Variants in TANC1 observed in about 807,000 individuals in gnomAD.
TANC1 encodes tetratricopeptide repeat, ankyrin repeat and coiled-coil containing 1.
TANC1 carries 77 observed loss-of-function variants against 149.7 expected under a neutral mutation model. The observed-to-expected ratio is 0.51, with a 90% CI of 0.43 to 0.62. The LOEUF (loss-of-function observed/expected upper bound fraction) is 0.62. Ranked by LOEUF, TANC1 falls within the 20% of genes least tolerant of loss-of-function variation. TANC1 has a pLI of 0.00. For synonymous variants in TANC1, 854 were observed against 925.0 expected (o/e 0.92, Z 1.39); for missense variants, 1,985 against 2,321.8 (o/e 0.85, Z 2.98).
chr2:159,004,122 C>T lies in TANC1; in HGVS notation c.-16+2933C>T, dbSNP rs1362727128. The T allele has an allele frequency of 6.2e-6, 10 of 1,612,112 alleles. No individual in the cohort carries two copies. In the East Asian group the frequency reaches 2.2e-4, roughly 36 times the overall value. ...AATTACTGGTCATGCAGAAGCCAAA[C>T]CAATCACAGAAATGCTTCCTGGAAT... On this transcript the variant is annotated intron_variant, in intron 2 of 26. Transcript: ENST00000263635.
intron 3 of TANC1, among the ~76,000 whole-genome samples, chr2:159,078,653 AT>A (rs1038777178): frequency 1.3e-5 from 2 of 152,112 alleles, no homozygotes; most frequent in East Asian, 1.9e-4. Flanking sequence ...ATTCTGGAGG[AT>A]TTTTTCCCCC....
At chr2:158,985,420 C>T (rs956459915) in intron 1 of TANC1, among the ~76,000 whole-genome samples, 1 of 152,118 alleles carries the variant, frequency 6.6e-6, no homozygotes, top group African/African-American at 2.4e-5. Context: ...TTTTAGGGGT[C>T]CATGAACTAG....
At chr2:159,014,090 A>C (rs748983075) in intron 2 of TANC1, among the ~76,000 whole-genome samples, 3 of 152,192 alleles carry the variant, frequency 2.0e-5, no homozygotes, top group Non-Finnish European at 2.9e-5. Context: ...CTATCTCTAA[A>C]TAAGGTCACA....
intron 1 of TANC1, among the ~76,000 whole-genome samples, chr2:158,981,493 ATATATATATATATATATATATATAT>A (rs1288907193): frequency 6.2e-5 from 3 of 48,560 alleles, no homozygotes; most frequent in East Asian, 4.0e-4. Flanking sequence ...TATAGCTTTT[ATATATATATATATATATATATATAT>A]ATATATATAT....
rs537379936 is a variant in TANC1, at chr2:159,159,851, C to T, written c.683-3432C>T. On this transcript the variant is annotated intron_variant, in intron 7 of 26. Transcript: ENST00000263635. ...CTCTCATGGGATGTGATCAGGTATA[C>T]GCCCTGTTATATTAAGAAAGTGAGC... 5.9e-5 allele frequency among the ~76,000 whole-genome samples: 9 copies of T among 151,912 alleles called. No homozygotes were observed. In the South Asian group the frequency reaches 1.0e-3, roughly 18 times the overall value.
intron 2 of TANC1, among the ~76,000 whole-genome samples, chr2:159,022,804 G>T (rs149742722): frequency 5.3e-5 from 8 of 152,102 alleles, no homozygotes; most frequent in African/African-American, 1.9e-4. Flanking sequence ...ACTGGGTAAG[G>T]TCATCAGCTT....
At chr2:159,174,596 A>G (rs1335737005) in intron 11 of TANC1, among the ~76,000 whole-genome samples, 1 of 152,216 alleles carries the variant, frequency 6.6e-6, no homozygotes, top group African/African-American at 2.4e-5. Flanking sequence ...AACCTAGTGA[A>G]GATGGCACTT....
chr2:159,217,366 C>G (rs1370233338), intron 19 of TANC1, 131 bp from the exon 20 acceptor site: 2 of 1,154,892 alleles, frequency 1.7e-6, no homozygotes, highest in Non-Finnish European at 2.5e-6. Flanking sequence ...TGTCACAGAG[C>G]CCCCGCAGGT....
chr2:159,216,087 C>T (rs2059328108), intron 19 of TANC1, among the ~76,000 whole-genome samples: 1 of 152,182 alleles, frequency 6.6e-6, no homozygotes, highest in Admixed American at 6.5e-5. Context: ...TCCAGAGCAG[C>T]CACCATGCAC....
chr2:159,010,112 T>C (rs1050323453), intron 2 of TANC1, among the ~76,000 whole-genome samples: 3 of 152,224 alleles, frequency 2.0e-5, no homozygotes, highest in Non-Finnish European at 4.4e-5. Context: ...TGCGTGCCTT[T>C]CATTCCTCAG....
At chr2:159,070,979 C>G (rs936748022) in intron 3 of TANC1, among the ~76,000 whole-genome samples, 5 of 152,088 alleles carry the variant, frequency 3.3e-5, no homozygotes, top group Admixed American at 6.5e-5. Flanking sequence ...AATTAAAGCT[C>G]ACAGTTGGTA....
intron 2 of TANC1, among the ~76,000 whole-genome samples, chr2:159,007,380 A>G (rs989721834): frequency 3.9e-5 from 6 of 152,174 alleles, no homozygotes; most frequent in South Asian, 2.1e-4. Flanking sequence ...TCCTGACCTC[A>G]GGTGATCCGC....
Position 159,189,558 on chromosome 2 carries a change from C to CT in TANC1, c.2742+2544dup, listed in dbSNP as rs1013697003. Among the ~76,000 whole-genome samples the CT allele has an allele frequency of 6.4e-4, 96 of 149,842 alleles. 1 individual carries two copies. The highest frequency in any genetic ancestry group is 3.3e-4 in the Admixed American group (5 of 15,048). The stretch of plus-strand genomic sequence containing the variant: ...CTTAATGCACATATATATACATACA[C>CT]TTTTTTTTTTACACATTGATTTTTA... On this transcript the variant is annotated intron_variant, in intron 16 of 26. Coordinates refer to ENST00000263635, the MANE Select transcript of TANC1 (RefSeq NM_033394.3).
intron 4 of TANC1, among the ~76,000 whole-genome samples, chr2:159,135,013 A>G (rs1383542220): frequency 1.3e-5 from 2 of 152,196 alleles, no homozygotes; most frequent in Non-Finnish European, 1.5e-5. Context: ...AAATATATTC[A>G]TAGAGTTGTA....
chr2:159,019,307 A>G (rs1467740299), intron 2 of TANC1, among the ~76,000 whole-genome samples: 3 of 152,226 alleles, frequency 2.0e-5, no homozygotes, highest in South Asian at 4.1e-4. Flanking sequence ...GTTAGGAGTG[A>G]TGGGAATAGA....
At chr2:159,049,847 A>G (rs143788191) in intron 2 of TANC1, among the ~76,000 whole-genome samples, 7 of 152,278 alleles carry the variant, frequency 4.6e-5, no homozygotes, top group African/African-American at 7.2e-5. Flanking sequence ...AGTTTTGGAC[A>G]TGTTGAGGTA....
chr2:159,027,091 A>G (rs1282938647), intron 2 of TANC1: 1 of 152,036 alleles, frequency 6.6e-6, no homozygotes, highest in Admixed American at 6.5e-5. Flanking sequence ...GGACCATGCT[A>G]ATCTTCTCTG....
At position 159,065,916 on chromosome 2, in the gene TANC1, AAAGGCT is replaced by A. The variant is rs1433802185; in HGVS notation, c.7_12del (p.Lys3_Ala4del). 6.2e-7 allele frequency: 1 copy of A among 1,613,726 alleles called. No individual in the cohort carries two copies. Among genetic ancestry groups the A allele is most frequent in the East Asian group, 2.2e-5 (1 of 44,892 alleles). On this transcript the variant is annotated inframe_deletion, in exon 3 of 27. Transcript: ENST00000263635. The stretch of plus-strand genomic sequence containing the variant: ...CTTAGAAACAAGTGTTGAAAATGTT[AAAGGCT>A]GTGCTGAAGAAGAGCCGAGAGGGAG...
Position 159,177,390 on chromosome 2 carries a change from T to C in TANC1, c.1902+872T>C, listed in dbSNP as rs189335635. On this transcript the variant is annotated intron_variant, in intron 13 of 26. Coordinates refer to ENST00000263635, the MANE Select transcript of TANC1 (RefSeq NM_033394.3). ...TCCTTCTATACCTATCCTTTTTCAG[T>C]GAAGACTTTTAGACATTAGGTTTTG... is the stretch of plus-strand genomic sequence containing the variant. 2.6e-5 allele frequency among the ~76,000 whole-genome samples: 4 copies of C among 152,314 alleles called. No individual in the cohort carries two copies. In the East Asian group the frequency reaches 7.7e-4, roughly 29 times the overall value.
Sources: allele counts gnomAD v4.1 joint callset (sites outside exome capture counted in the v4.1 genomes callset), GRCh38; gene constraint gnomAD v4.1.1; transcripts MANE v1.5; gene names NCBI Gene and HGNC (gene_info 2026-07-23, HGNC 2026-07-21).